The following ADAM29 variants were observed in gnomAD, a reference collection of about 807,000 sequenced individuals.
ADAM29 encodes the protein ADAM metallopeptidase domain 29, also known as disintegrin and metalloproteinase domain-containing protein 29.
For missense variants in ADAM29, 969 were observed against 1,001.8 expected, an observed-to-expected ratio of 0.97 and a Z score of 0.44; for synonymous variants, 367 against 342.3, an observed-to-expected ratio of 1.07 and a Z score of -0.80.
Position 174,975,937 on chromosome 4 carries a change from C to T in ADAM29, c.412C>T (p.Pro138Ser), listed in dbSNP as rs774823847. ...QINDFAYEIK[P>S]LAFSTTFEHL... ...AAATGACTTTGCTTATGAAATCAAG[C>T]CCCTAGCATTTTCTACCACGTTTGA... The change falls in exon 5 of 5, where the codon CCC (proline) becomes TCC (serine). Residue 138 changes from proline to serine, a missense_variant. Physicochemically the swap from Pro to Ser is moderately conservative, Grantham distance 74. Transcript: ENST00000359240. The T allele has an allele frequency of 6.2e-7, 1 of 1,613,920 alleles. No homozygotes were observed. Among genetic ancestry groups the T allele is most frequent in the Non-Finnish European group, 8.5e-7 (1 of 1,179,964 alleles).
intron 4 of ADAM29, among the ~76,000 whole-genome samples, chr4:174,973,348 C>A (rs1047741531): frequency 6.6e-6 from 1 of 152,168 alleles, no homozygotes; most frequent in Non-Finnish European, 1.5e-5. Flanking sequence ...TGGCAGTACA[C>A]TGGGGACAGG....
Position 174,978,012 on chromosome 4 carries a change from C to A in ADAM29, c.*24C>A, listed in dbSNP as rs1277064655. On this transcript the variant is annotated 3_prime_UTR_variant, in exon 5 of 5. Transcript: ENST00000359240. ...AGAGCCAACCTCAGTTGATGCCTTC[C>A]CAGAGTCAACCTCCTGTGACGCCCT... 1.2e-6 allele frequency: 2 copies of A among 1,603,614 alleles called. No individual in the cohort carries two copies. Among genetic ancestry groups the A allele is most frequent in the East Asian group, 4.5e-5 (2 of 44,458 alleles).
Position 174,976,107 on chromosome 4 carries a change from G to A in ADAM29, c.582G>A (p.Trp194Ter). ...TQKQSSYVGW[W>*]IHFRIVEIVV... ...AGCAAAGTTCTTATGTGGGCTGGTG[G>A]ATCCATTTTAGGATTGTTGAAATTG... Residue 194 changes from tryptophan to a stop codon, truncating the protein, a stop_gained, in exon 5 of 5, where the codon TGG becomes TGA. Transcript: ENST00000359240. LOFTEE classifies it low-confidence loss of function (END_TRUNC). 1 of 1,612,788 alleles carries A rather than the reference G, an allele frequency of 6.2e-7. No homozygotes were observed. Among genetic ancestry groups the A allele is most frequent in the African/African-American group, 1.3e-5 (1 of 74,982 alleles).
intron 4 of ADAM29, among the ~76,000 whole-genome samples, chr4:174,945,270 T>C (rs527383742): frequency 1.3e-4 from 19 of 144,224 alleles, no homozygotes; most frequent in African/African-American, 4.7e-4. Context: ...TTTCATATGC[T>C]TGTTTATCCA....
At chr4:174,922,419 C>T (rs979262997) in intron 2 of ADAM29, among the ~76,000 whole-genome samples, 13 of 152,226 alleles carry the variant, frequency 8.5e-5, no homozygotes, top group African/African-American at 2.6e-4. Flanking sequence ...TAACTGGAGT[C>T]TGCTTATTTG....
At chr4:174,938,095 G>A (rs761782110) in intron 4 of ADAM29, among the ~76,000 whole-genome samples, 2 of 152,062 alleles carry the variant, frequency 1.3e-5, no homozygotes, top group Non-Finnish European at 2.9e-5. Context: ...AGACATTGGG[G>A]ACAATAGATT....
intron 4 of ADAM29, among the ~76,000 whole-genome samples, chr4:174,974,155 C>T (rs550776451): frequency 2.4e-4 from 37 of 152,338 alleles, no homozygotes; most frequent in Middle Eastern, 3.4e-3. Flanking sequence ...GGTGAATCAA[C>T]ACACACATGT....
chr4:174,946,057 A>G, intron 4 of ADAM29, among the ~76,000 whole-genome samples: 1 of 152,138 alleles, frequency 6.6e-6, no homozygotes, highest in Non-Finnish European at 1.5e-5. Context: ...TTGGAATAGC[A>G]CTGAATCTGA....
intron 4 of ADAM29, among the ~76,000 whole-genome samples, chr4:174,957,558 A>C (rs2111044851): frequency 6.6e-6 from 1 of 151,898 alleles, no homozygotes; most frequent in Admixed American, 6.6e-5. Context: ...AAATAAAGAA[A>C]TCCTAGTAAG....
chr4:174,928,461 C>T (rs544615581), intron 2 of ADAM29, among the ~76,000 whole-genome samples: 10 of 148,158 alleles, frequency 6.7e-5, no homozygotes, highest in South Asian at 2.2e-4. Context: ...GGGAGCTGTG[C>T]GGATGTCACA....
intron 1 of ADAM29, among the ~76,000 whole-genome samples, chr4:174,919,399 G>C (rs956274536): frequency 6.6e-6 from 1 of 152,172 alleles, no homozygotes; most frequent in African/African-American, 2.4e-5. Context: ...AATTAGCACA[G>C]AGTTAGGCGC....
intron 4 of ADAM29, among the ~76,000 whole-genome samples, chr4:174,946,431 A>G (rs950847191): frequency 1.3e-5 from 2 of 151,960 alleles, no homozygotes; most frequent in Admixed American, 6.6e-5. Flanking sequence ...ATAGAATTAT[A>G]TTGTCTGTAA....
intron 2 of ADAM29, among the ~76,000 whole-genome samples, chr4:174,923,028 T>A (rs1420599908): frequency 6.6e-6 from 1 of 151,704 alleles, no homozygotes; most frequent in African/African-American, 2.4e-5. Context: ...GCTCTCCAAA[T>A]AAAACATACA....
intron 4 of ADAM29, among the ~76,000 whole-genome samples, chr4:174,966,692 G>A (rs568223087): frequency 7.2e-4 from 110 of 152,252 alleles, no homozygotes; most frequent in South Asian, 5.4e-3. Context: ...GTCATGGGCC[G>A]TACCCCCAAG....
chr4:174,920,075 G>A (rs1268505387), intron 1 of ADAM29, among the ~76,000 whole-genome samples: 1 of 152,074 alleles, frequency 6.6e-6, no homozygotes, highest in Non-Finnish European at 1.5e-5. Flanking sequence ...CTCTCATTAT[G>A]AGCCTGCGTC....
rs768340226 is a variant in ADAM29, at chr4:174,970,444, AACC to A, written c.-180-4898_-180-4896del. Among the ~76,000 whole-genome samples the A allele has an allele frequency of 1.1e-3, 162 of 152,224 alleles. 1 individual carries two copies. Among genetic ancestry groups the A allele is most frequent in the Non-Finnish European group, 7.6e-4 (52 of 67,974 alleles). ...GAGAATGATTTGACCTGCTACCTCA[AACC>A]ACCCTTGAAAATTGAAGGAATAAGT... is the stretch of plus-strand genomic sequence containing the variant. On this transcript the variant is annotated intron_variant, in intron 4 of 4. Coordinates refer to ENST00000359240, the MANE Select transcript of ADAM29 (RefSeq NM_014269.4).
intron 4 of ADAM29, among the ~76,000 whole-genome samples, chr4:174,960,940 C>T (rs1745779817): frequency 6.6e-6 from 1 of 152,160 alleles, no homozygotes; most frequent in African/African-American, 2.4e-5. Flanking sequence ...GTGATAAGAA[C>T]TGTCTCCTTT....
At chr4:174,933,056 A>G (rs1292554802) in intron 3 of ADAM29, among the ~76,000 whole-genome samples, 3 of 152,164 alleles carry the variant, frequency 2.0e-5, no homozygotes, top group Non-Finnish European at 4.4e-5. Flanking sequence ...GTTAAGGAAC[A>G]GAAAGCAAAC....
chr4:174,972,881 C>G (rs991800393), intron 4 of ADAM29, among the ~76,000 whole-genome samples: 4 of 152,116 alleles, frequency 2.6e-5, no homozygotes, highest in African/African-American at 7.2e-5. Context: ...TGTCTGCTCT[C>G]TATGTACTGA....
Sources: allele counts gnomAD v4.1 joint callset (sites outside exome capture counted in the v4.1 genomes callset), GRCh38; gene constraint gnomAD v4.1.1; transcripts MANE v1.5; gene names NCBI Gene and HGNC (gene_info 2026-07-23, HGNC 2026-07-21).